Variants in DTNA observed in about 807,000 individuals in gnomAD.
DTNA encodes dystrobrevin alpha.
Under a neutral mutation model 100.7 loss-of-function variants are expected in DTNA, and 43 were observed. That is an observed-to-expected ratio of 0.43 (90% CI 0.33 to 0.55). The LOEUF is 0.55. DTNA is among the 20% of genes least tolerant of loss of function. The pLI, the probability that DTNA is intolerant of heterozygous loss-of-function variation, is 0.04. For synonymous variants in DTNA, 349 were observed against 347.9 expected (o/e 1.00, Z -0.04); for missense variants, 798 against 953.9 (o/e 0.84, Z 2.15).
chr18:34,532,023 A>G (rs1235628164), intron 1 of DTNA, among the ~76,000 whole-genome samples: 1 of 152,144 alleles, frequency 6.6e-6, no homozygotes, highest in Non-Finnish European at 1.5e-5. Context: ...ATTTAATTTA[A>G]TTCAAACAGC....
At chr18:34,633,213 G>T (rs2058282685) in intron 1 of DTNA, among the ~76,000 whole-genome samples, 1 of 152,094 alleles carries the variant, frequency 6.6e-6, no homozygotes, top group Admixed American at 6.6e-5. Flanking sequence ...TTGGAACTCA[G>T]AATACAATGC....
At chr18:34,501,079 G>GT (rs2039871298) in intron 1 of DTNA, among the ~76,000 whole-genome samples, 1 of 152,080 alleles carries the variant, frequency 6.6e-6, no homozygotes, top group Admixed American at 6.5e-5. Flanking sequence ...TAAGTATAAT[G>GT]TTATCTGTAA....
At chr18:34,820,271 A>G (rs1188839182) in intron 8 of DTNA, among the ~76,000 whole-genome samples, 1 of 152,008 alleles carries the variant, frequency 6.6e-6, no homozygotes, top group Admixed American at 6.5e-5. Flanking sequence ...TTCCAAGCCT[A>G]TTTCCTCACA....
chr18:34,509,954 C>T (rs1359845194), intron 1 of DTNA, among the ~76,000 whole-genome samples: 1 of 151,984 alleles, frequency 6.6e-6, no homozygotes, highest in Non-Finnish European at 1.5e-5. Context: ...AAATGGTATT[C>T]TATTACCAGT....
At chr18:34,570,004 G>C (rs1314883528) in intron 1 of DTNA, among the ~76,000 whole-genome samples, 2 of 152,064 alleles carry the variant, frequency 1.3e-5, no homozygotes, top group Non-Finnish European at 2.9e-5. Context: ...TGACACATAC[G>C]TTCCATTAGC....
intron 7 of DTNA, among the ~76,000 whole-genome samples, chr18:34,816,958 G>A (rs2095610297): frequency 6.6e-6 from 1 of 152,092 alleles, no homozygotes; most frequent in South Asian, 2.1e-4. Flanking sequence ...AACAATCATA[G>A]TTTTTTTATG....
At chr18:34,712,855 A>G (rs2083178318) in intron 1 of DTNA, among the ~76,000 whole-genome samples, 1 of 152,134 alleles carries the variant, frequency 6.6e-6, no homozygotes, top group Admixed American at 6.5e-5. Flanking sequence ...GATATTTAAC[A>G]GTTTTTTAAC....
intron 1 of DTNA, among the ~76,000 whole-genome samples, chr18:34,722,811 A>G (rs932299070): frequency 6.6e-6 from 1 of 152,164 alleles, no homozygotes; most frequent in Non-Finnish European, 1.5e-5. Context: ...GGAATCAGAC[A>G]GTACATACTT....
At chr18:34,867,624 A>G in intron 17 of DTNA, 1 of 999,948 alleles carries the variant, frequency 1.0e-6, no homozygotes, top group Non-Finnish European at 1.2e-6. Flanking sequence ...TCCTCCTAGC[A>G]GAGAGAGAGG....
chr18:34,777,518 C>T (rs1388047039), intron 3 of DTNA, among the ~76,000 whole-genome samples: 1 of 152,110 alleles, frequency 6.6e-6, no homozygotes, highest in African/African-American at 2.4e-5. Flanking sequence ...CGTTTTCACA[C>T]TGCTATAAAG....
chr18:34,508,048 G>T (rs570134154), intron 1 of DTNA, among the ~76,000 whole-genome samples: 11 of 152,080 alleles, frequency 7.2e-5, no homozygotes, highest in Non-Finnish European at 1.6e-4. Flanking sequence ...ACATATTAAT[G>T]ATTATGCAAT....
At chr18:34,807,399 G>A (rs76368594) in intron 5 of DTNA, among the ~76,000 whole-genome samples, 1 of 152,118 alleles carries the variant, frequency 6.6e-6, no homozygotes, top group African/African-American at 2.4e-5. Context: ...TTGGGATTTT[G>A]TAAGATACCC....
intron 13 of DTNA, among the ~76,000 whole-genome samples, chr18:34,846,623 G>C (rs940321245): frequency 6.6e-6 from 1 of 151,832 alleles, no homozygotes; most frequent in Non-Finnish European, 1.5e-5. Context: ...GTGTAGGCTA[G>C]AGCAGAGATA....
At chr18:34,578,663 C>T (rs564792704) in intron 1 of DTNA, among the ~76,000 whole-genome samples, 2 of 152,274 alleles carry the variant, frequency 1.3e-5, no homozygotes, top group African/African-American at 4.8e-5. Context: ...AGATGAGGAT[C>T]TAGTTTCACT....
intron 1 of DTNA, among the ~76,000 whole-genome samples, chr18:34,516,900 G>A (rs535978380): frequency 6.6e-6 from 1 of 152,154 alleles, no homozygotes; most frequent in African/African-American, 2.4e-5. Context: ...TGAAGATGAT[G>A]GGATTAAGAG....
intron 3 of DTNA, among the ~76,000 whole-genome samples, chr18:34,779,440 T>TAG (rs1474192285): frequency 6.6e-6 from 1 of 152,208 alleles, no homozygotes; most frequent in African/African-American, 2.4e-5. Flanking sequence ...ATGCACATTC[T>TAG]AGAGGTAGCT....
At chr18:34,501,587 C>G (rs1261051448) in intron 1 of DTNA, among the ~76,000 whole-genome samples, 1 of 152,112 alleles carries the variant, frequency 6.6e-6, no homozygotes, top group Non-Finnish European at 1.5e-5. Context: ...ATCACCTGGG[C>G]TGGGAGATTT....
intron 1 of DTNA, among the ~76,000 whole-genome samples, chr18:34,550,714 ATATTGCATTGT>A (rs1431160488): frequency 6.6e-6 from 1 of 152,148 alleles, no homozygotes; most frequent in Non-Finnish European, 1.5e-5. Context: ...CTCTTCATGT[ATATTGCATTGT>A]TATTCAGGGA....
intron 1 of DTNA, among the ~76,000 whole-genome samples, chr18:34,568,008 A>G (rs192162499): frequency 6.6e-6 from 1 of 152,220 alleles, no homozygotes; most frequent in East Asian, 1.9e-4. Flanking sequence ...CTTTATGGAG[A>G]GAATGCTCTT....
Sources: allele counts gnomAD v4.1 joint callset (sites outside exome capture counted in the v4.1 genomes callset), GRCh38; gene constraint gnomAD v4.1.1; transcripts MANE v1.5; gene names NCBI Gene and HGNC (gene_info 2026-07-23, HGNC 2026-07-21).